The following TAF3 variants were observed in gnomAD, a reference collection of about 807,000 sequenced individuals.
TAF3 encodes the protein TATA-box binding protein associated factor 3, also known as transcription initiation factor TFIID subunit 3.
Under a neutral mutation model 80.6 loss-of-function variants are expected in TAF3, and 7 were observed. The ratio of observed to expected loss-of-function variants is 0.09; its 90% CI spans 0.05 to 0.16. The LOEUF (loss-of-function observed/expected upper bound fraction) is 0.16, where lower values mean the gene tolerates loss of function less well. TAF3 is among the 10% of genes least tolerant of loss of function. The pLI is 1.00. For synonymous variants in TAF3, 444 were observed against 446.1 expected, an observed-to-expected ratio of 1.00 and a Z score of 0.06; for missense variants, 921 against 1,140.2, an observed-to-expected ratio of 0.81 and a Z score of 2.77.
At chr10:7,909,036 A>G (rs1837631713) in intron 2 of TAF3, among the ~76,000 whole-genome samples, 1 of 152,252 alleles carries the variant, frequency 6.6e-6, no homozygotes, top group Admixed American at 6.5e-5. Flanking sequence ...TACAAAGGTC[A>G]GGAGGGAGAC....
chr10:7,917,505 T>C (rs973391549), intron 2 of TAF3, among the ~76,000 whole-genome samples: 13 of 152,244 alleles, frequency 8.5e-5, no homozygotes, highest in African/African-American at 2.9e-4. Context: ...GGCCAGTTCC[T>C]ATGGGGCCTT....
intron 2 of TAF3, among the ~76,000 whole-genome samples, chr10:7,835,882 G>C (rs1231662158): frequency 2.6e-5 from 4 of 152,138 alleles, no homozygotes; most frequent in Non-Finnish European, 5.9e-5. Flanking sequence ...CTGTCACCTG[G>C]TTATGTTGGG....
rs1366525257 is a variant in TAF3, at chr10:8,009,868, G to A, written c.2568+538G>A. On this transcript the variant is annotated intron_variant, in intron 5 of 6. Coordinates refer to ENST00000344293, the MANE Select transcript of TAF3 (RefSeq NM_031923.4). The surrounding 1 kb of genome is among the most constrained non-coding windows in gnomAD (Gnocchi z 4.1). ...ACTCCTGACCTAAGGTGATCCACCCGCCTCGGCCTCCCAAAGTGTGGGATT... is the reference window on the plus strand; with the variant it reads ...ACTCCTGACCTAAGGTGATCCACCCACCTCGGCCTCCCAAAGTGTGGGATT... Among the ~76,000 whole-genome samples the A allele has an allele frequency of 6.6e-6, 1 of 151,296 alleles. No individual in the cohort carries two copies. Among genetic ancestry groups the A allele is most frequent in the Non-Finnish European group, 1.5e-5 (1 of 67,918 alleles).
chr10:7,949,673 A>G, intron 2 of TAF3, among the ~76,000 whole-genome samples: 1 of 152,256 alleles, frequency 6.6e-6, no homozygotes, highest in East Asian at 1.9e-4. Context: ...CACACCATTC[A>G]TTTATGTACC....
At chr10:7,940,276 A>T (rs1333086768) in intron 2 of TAF3, among the ~76,000 whole-genome samples, 1 of 152,222 alleles carries the variant, frequency 6.6e-6, no homozygotes, top group African/African-American at 2.4e-5. Flanking sequence ...CTTCCCATAC[A>T]TCTCTTATCA....
chr10:7,852,785 A>C (rs1257509480), intron 2 of TAF3, among the ~76,000 whole-genome samples: 1 of 152,246 alleles, frequency 6.6e-6, no homozygotes, highest in African/African-American at 2.4e-5. Context: ...GAGTGCTTCT[A>C]TAAAGAGAAA....
intron 2 of TAF3, among the ~76,000 whole-genome samples, chr10:7,928,809 A>G (rs953666962): frequency 7.9e-5 from 12 of 152,120 alleles, no homozygotes; most frequent in African/African-American, 2.9e-4. Flanking sequence ...TCAGGTTCAG[A>G]GAGCTATATT....
At position 7,862,865 on chromosome 10, in the gene TAF3, A is replaced by G. The variant is rs151027226; in HGVS notation, c.409+38305A>G. On this transcript the variant is annotated intron_variant, in intron 2 of 6. Coordinates refer to ENST00000344293, the MANE Select transcript of TAF3 (RefSeq NM_031923.4). ...AATTCTGGATATTTTGCAAATATCCATAAGTTACTCCTTTTTATTGTTGAG... is the reference window on the plus strand; with the variant it reads ...AATTCTGGATATTTTGCAAATATCCGTAAGTTACTCCTTTTTATTGTTGAG... Among the ~76,000 whole-genome samples the G allele has an allele frequency of 8.5e-3, 1,291 of 152,346 alleles. 19 individuals carry two copies. The highest frequency in any genetic ancestry group is 0.029 in the African/African-American group (1,214 of 41,574).
At chr10:7,979,568 C>T (rs1361155388) in intron 4 of TAF3, among the ~76,000 whole-genome samples, 2 of 151,812 alleles carry the variant, frequency 1.3e-5, no homozygotes, top group African/African-American at 2.4e-5. Flanking sequence ...GACAAATTGC[C>T]CTTGAAAGCA....
intron 2 of TAF3, among the ~76,000 whole-genome samples, chr10:7,939,902 A>G (rs1216038312): frequency 3.3e-5 from 5 of 152,196 alleles, no homozygotes; most frequent in African/African-American, 7.2e-5. Context: ...AGGAAATGAA[A>G]TTATCAAAGA....
chr10:7,928,380 T>C (rs1321941002), intron 2 of TAF3, among the ~76,000 whole-genome samples: 2 of 152,214 alleles, frequency 1.3e-5, no homozygotes, highest in Non-Finnish European at 2.9e-5. Context: ...CACCTTTAGG[T>C]AACTGAGTGG....
chr10:7,853,663 C>T lies in TAF3; in HGVS notation c.409+29103C>T, dbSNP rs138998835. Among the ~76,000 whole-genome samples, 15 of 152,330 alleles carry T rather than the reference C, an allele frequency of 9.8e-5. No homozygotes were observed. The East Asian group carries it at 2.9e-3, about 29-fold the overall frequency. ...ACTAGAGGTCAGCAAACTGCCTGGC[C>T]TGCAGCCTGATTCTGTAAATAAAGT... On this transcript the variant is annotated intron_variant, in intron 2 of 6. Coordinates refer to ENST00000344293, the MANE Select transcript of TAF3 (RefSeq NM_031923.4).
intron 4 of TAF3, among the ~76,000 whole-genome samples, chr10:7,997,051 T>C (rs535693631): frequency 6.6e-6 from 1 of 152,250 alleles, no homozygotes; most frequent in Non-Finnish European, 1.5e-5. Context: ...GTGGTTGGTA[T>C]TTCTGAGATT....
intron 2 of TAF3, among the ~76,000 whole-genome samples, chr10:7,843,151 C>A (rs1836935110): frequency 6.6e-6 from 1 of 152,066 alleles, no homozygotes; most frequent in African/African-American, 2.4e-5. Context: ...AGGGTCTTTC[C>A]CTGTCACCCA....
intron 2 of TAF3, among the ~76,000 whole-genome samples, chr10:7,907,873 C>T (rs1837620167): frequency 6.6e-6 from 1 of 152,152 alleles, no homozygotes; most frequent in Non-Finnish European, 1.5e-5. Context: ...GCTGGAAAAG[C>T]CAAGAGGGCA....
At position 7,885,274 on chromosome 10, in the gene TAF3, C is replaced by CACACA. The variant is rs1268622854; in HGVS notation, c.409+60714_409+60715insACACA. Among the ~76,000 whole-genome samples the CACACA allele has an allele frequency of 1.8e-3, 236 of 133,830 alleles. 1 individual carries two copies. Among genetic ancestry groups the CACACA allele is most frequent in the African/African-American group, 2.3e-3 (89 of 37,944 alleles). The allele number at this position is 133,830 out of a possible 152,430, so 87.8% of individuals were successfully genotyped here. A position where few individuals can be genotyped will look rare whatever the true frequency, so the allele number is the denominator to read the frequency against. ...GACACACACACACACACACACACAC[C>CACACA]CCCACACACACACAAAGTGACTAAT... is the stretch of plus-strand genomic sequence containing the variant. On this transcript the variant is annotated intron_variant, in intron 2 of 6. Coordinates refer to ENST00000344293, the MANE Select transcript of TAF3 (RefSeq NM_031923.4).
chr10:7,942,796 A>T (rs1438403742), intron 2 of TAF3, among the ~76,000 whole-genome samples: 4 of 152,240 alleles, frequency 2.6e-5, no homozygotes, highest in African/African-American at 9.6e-5. Context: ...AAATTTAGTT[A>T]AAAAAATTTT....
At chr10:7,847,105 G>C (rs1455935220) in intron 2 of TAF3, among the ~76,000 whole-genome samples, 1 of 152,160 alleles carries the variant, frequency 6.6e-6, no homozygotes, top group African/African-American at 2.4e-5. Flanking sequence ...TAAATGCAAA[G>C]AGATAGCATT....
intron 2 of TAF3, among the ~76,000 whole-genome samples, chr10:7,921,458 G>A (rs1056566460): frequency 2.0e-5 from 3 of 151,956 alleles, no homozygotes; most frequent in Non-Finnish European, 4.4e-5. Context: ...CTTTCTGAGC[G>A]GTGTTTTTCA....
Sources: gnomAD v4.1 joint callset for allele counts (sites outside exome capture counted in the v4.1 genomes callset) on GRCh38, gnomAD v4.1.1 for gene constraint, Gnocchi (gnomAD v3.1) non-coding constraint, MANE v1.5 for transcripts, NCBI Gene and HGNC (gene_info 2026-07-23, HGNC 2026-07-21) for gene names.